SETBP1: variants seen among roughly 807,000 people sequenced by gnomAD.
The protein encoded by SETBP1 is SET binding protein 1, also known as SET-binding protein.
Under a neutral mutation model 101.0 loss-of-function variants are expected in SETBP1, and 9 were observed. That is an observed-to-expected ratio of 0.09 (90% CI 0.05 to 0.16). The LOEUF (loss-of-function observed/expected upper bound fraction) is 0.16, where lower values mean the gene tolerates loss of function less well. Ranked by LOEUF, SETBP1 falls within the 10% of genes least tolerant of loss-of-function variation. The pLI, the probability that SETBP1 is intolerant of heterozygous loss-of-function variation, is 1.00. For synonymous variants in SETBP1, 818 were observed against 788.5 expected (o/e 1.04, Z -0.63); for missense variants, 1,858 against 2,033.8 (o/e 0.91, Z 1.66).
At chr18:44,868,551 C>A (rs925212566) in intron 2 of SETBP1, among the ~76,000 whole-genome samples, 1 of 151,972 alleles carries the variant, frequency 6.6e-6, no homozygotes, top group Middle Eastern at 3.4e-3. Flanking sequence ...AAAAATTAGC[C>A]GGGCATGGTG....
At chr18:44,926,175 G>A (rs1020444129) in intron 3 of SETBP1, among the ~76,000 whole-genome samples, 11 of 152,080 alleles carry the variant, frequency 7.2e-5, no homozygotes, top group Middle Eastern at 3.4e-3. Context: ...TCAAGTGATC[G>A]CCCCACCTTG....
At chr18:44,822,548 T>C (rs2072133918) in intron 2 of SETBP1, among the ~76,000 whole-genome samples, 1 of 152,228 alleles carries the variant, frequency 6.6e-6, no homozygotes, top group Non-Finnish European at 1.5e-5. Flanking sequence ...CCACCTGCCA[T>C]AGGGAAGATG....
chr18:44,903,498 A>G (rs564830092), intron 3 of SETBP1, among the ~76,000 whole-genome samples: 2 of 152,340 alleles, frequency 1.3e-5, no homozygotes, highest in Non-Finnish European at 2.9e-5. Context: ...ACCAATCTAC[A>G]GAGAGTCCAA....
intron 1 of SETBP1, among the ~76,000 whole-genome samples, chr18:44,685,991 T>C (rs1407921691): frequency 6.6e-6 from 1 of 152,142 alleles, no homozygotes; most frequent in East Asian, 1.9e-4. Context: ...GAAAAAGATG[T>C]GCAAACACAC....
intron 5 of SETBP1, among the ~76,000 whole-genome samples, chr18:45,054,859 T>C (rs950709898): frequency 6.6e-6 from 1 of 152,154 alleles, no homozygotes; most frequent in Non-Finnish European, 1.5e-5. Flanking sequence ...GAGAAGCCTA[T>C]AGACCAGGAC....
chr18:45,036,009 T>C (rs2073388683), intron 4 of SETBP1, among the ~76,000 whole-genome samples: 3 of 152,158 alleles, frequency 2.0e-5, no homozygotes, highest in Non-Finnish European at 4.4e-5. Flanking sequence ...TAATACATAT[T>C]TGTGGGTTTT....
intron 2 of SETBP1, among the ~76,000 whole-genome samples, chr18:44,756,333 C>A (rs148743878): frequency 6.6e-6 from 1 of 152,258 alleles, no homozygotes; most frequent in Non-Finnish European, 1.5e-5. Flanking sequence ...AAGTGCTATG[C>A]GGTTTTTCCC....
chr18:44,729,086 T>A (rs752878507), intron 2 of SETBP1, among the ~76,000 whole-genome samples: 1 of 152,220 alleles, frequency 6.6e-6, no homozygotes, highest in East Asian at 1.9e-4. Context: ...ACACAGTAGG[T>A]CATCTGCCTG....
At chr18:44,841,463 A>G (rs894624438) in intron 2 of SETBP1, among the ~76,000 whole-genome samples, 2 of 152,188 alleles carry the variant, frequency 1.3e-5, no homozygotes, top group African/African-American at 4.8e-5. Context: ...AAAGCCAGCC[A>G]CACTCAAGGG....
At chr18:44,959,014 G>A (rs2071554426) in intron 4 of SETBP1, among the ~76,000 whole-genome samples, 1 of 152,200 alleles carries the variant, frequency 6.6e-6, no homozygotes, top group South Asian at 2.1e-4. Flanking sequence ...GAGACTCACA[G>A]CATATCCTTT....
chr18:44,798,614 T>C (rs961438121), intron 2 of SETBP1, among the ~76,000 whole-genome samples: 1 of 152,308 alleles, frequency 6.6e-6, no homozygotes, highest in Middle Eastern at 3.4e-3. Flanking sequence ...AGGAAAGTCA[T>C]CATTTTTCCG....
intron 4 of SETBP1, among the ~76,000 whole-genome samples, chr18:44,980,299 C>T (rs1044218909): frequency 6.6e-6 from 1 of 152,052 alleles, no homozygotes; most frequent in African/African-American, 2.4e-5. Context: ...TAGGGCTCAG[C>T]ATTATTTGAT....
intron 2 of SETBP1, among the ~76,000 whole-genome samples, chr18:44,815,655 A>G (rs1324146077): frequency 6.6e-6 from 1 of 152,200 alleles, no homozygotes; most frequent in Admixed American, 6.5e-5. Flanking sequence ...GATAGGACTC[A>G]TGTATTAACA....
intron 4 of SETBP1, among the ~76,000 whole-genome samples, chr18:45,002,537 T>C (rs1052891803): frequency 3.0e-4 from 45 of 152,286 alleles, no homozygotes; most frequent in African/African-American, 1.1e-3. Flanking sequence ...CTTCTTCTGT[T>C]TTCCTTCTTA....
chr18:44,831,865 G>A (rs2072377838), intron 2 of SETBP1, among the ~76,000 whole-genome samples: 2 of 152,188 alleles, frequency 1.3e-5, no homozygotes, highest in South Asian at 4.1e-4. Flanking sequence ...CCATTCACTT[G>A]CTGTGCATTC....
chr18:45,040,946 A>G (rs766604239), intron 5 of SETBP1, among the ~76,000 whole-genome samples: 2 of 152,186 alleles, frequency 1.3e-5, no homozygotes, highest in African/African-American at 2.4e-5. Context: ...CAGGTGCTGG[A>G]AGACAGACCT....
intron 3 of SETBP1, among the ~76,000 whole-genome samples, chr18:44,900,667 G>C (rs1437784059): frequency 1.3e-5 from 2 of 152,152 alleles, no homozygotes; most frequent in East Asian, 3.9e-4. Flanking sequence ...GCATCCTCTG[G>C]GGACTTGTTG....
At chr18:44,714,873 C>T (rs1464774357) in intron 2 of SETBP1, among the ~76,000 whole-genome samples, 7 of 152,096 alleles carry the variant, frequency 4.6e-5, no homozygotes, top group Admixed American at 4.6e-4. Context: ...CACATCTGCC[C>T]AGCACCTTGA....
chr18:44,732,611 G>C (rs1461495159), intron 2 of SETBP1: 1 of 152,198 alleles, frequency 6.6e-6, no homozygotes, highest in African/African-American at 2.4e-5. Flanking sequence ...ATATACTGCT[G>C]CCTTTCTGAG....
Sources: allele counts gnomAD v4.1 joint callset (sites outside exome capture counted in the v4.1 genomes callset), GRCh38; gene constraint gnomAD v4.1.1; transcripts MANE v1.5; gene names NCBI Gene and HGNC (gene_info 2026-07-23, HGNC 2026-07-21).